ZFYVE26: variants seen among roughly 807,000 people sequenced by gnomAD.
ZFYVE26 encodes zinc finger FYVE domain-containing protein 26.
ZFYVE26 carries 181 observed loss-of-function variants against 276.5 expected under a neutral mutation model. That is an observed-to-expected ratio of 0.65 (90% CI 0.58 to 0.74). The LOEUF (loss-of-function observed/expected upper bound fraction) is 0.74, where lower values mean the gene tolerates loss of function less well. ZFYVE26 is among the 30% of genes least tolerant of loss of function. The pLI is 0.00. For missense variants in ZFYVE26, 2,821 were observed against 3,097.9 expected, an observed-to-expected ratio of 0.91 and a Z score of 2.12; for synonymous variants, 1,129 against 1,203.1, an observed-to-expected ratio of 0.94 and a Z score of 1.27.
chr14:67,730,151 C>A (rs760238662), intron 13 of ZFYVE26, among the ~76,000 whole-genome samples: 1 of 152,126 alleles, frequency 6.6e-6, no homozygotes, highest in Non-Finnish European at 1.5e-5. Context: ...CACAACCCTG[C>A]GAGGCAGGTA....
At chr14:67,761,073 A>G (rs559122448) in intron 35 of ZFYVE26, 66 of 613,904 alleles carry the variant, frequency 1.1e-4, no homozygotes, top group African/African-American at 9.3e-4. Context: ...TGAGCATCTC[A>G]TTCCAGAGAC....
chr14:67,733,639 A>ATT, intron 13 of ZFYVE26: 3 of 744,664 alleles, frequency 4.0e-6, no homozygotes, highest in Non-Finnish European at 7.1e-6. Flanking sequence ...TGAGTCTGGC[A>ATT]TATATTGTAT....
In ZFYVE26 at chr14:67,767,776, A is replaced by G. The variant is rs763496662; in HGVS notation, c.5718T>C (p.Asp1906=). The G allele has an allele frequency of 6.8e-6, 11 of 1,613,912 alleles. No homozygotes were observed. The highest frequency in any genetic ancestry group is 9.3e-6 in the Non-Finnish European group (11 of 1,180,022). The change falls in exon 31 of 42, where the codon GAT becomes GAC. Residue 1906 remains aspartate (D), a synonymous_variant. Coordinates refer to ENST00000347230, the MANE Select transcript of ZFYVE26 (RefSeq NM_015346.4). ...YSFVVRVPKA[D]EVEWILDLKE... ...TGAGATCCAAAATCCATTCCACCTC[A>G]TCTGCTTTGGGGACTCTCACCACAA... is the stretch of plus-strand genomic sequence containing the variant.
chr14:67,759,074 C>CT (rs2038862455), intron 35 of ZFYVE26, among the ~76,000 whole-genome samples: 1 of 149,764 alleles, frequency 6.7e-6, no homozygotes, highest in Non-Finnish European at 1.5e-5. Context: ...CCCGTCTCTA[C>CT]TAAAAAAAAA....
At chr14:67,800,924 TATAAATAAATAAATAA>T (rs148005245) in intron 10 of ZFYVE26, among the ~76,000 whole-genome samples, 1 of 148,620 alleles carries the variant, frequency 6.7e-6, no homozygotes, top group Non-Finnish European at 1.5e-5. Context: ...AAAGTTACCG[TATAAATAAATAAATAA>T]ATAAATAAAT....
chr14:67,771,585 C>G (rs2039209957), intron 28 of ZFYVE26, among the ~76,000 whole-genome samples: 1 of 152,160 alleles, frequency 6.6e-6, no homozygotes, highest in Non-Finnish European at 1.5e-5. Flanking sequence ...GCTCCATGAG[C>G]CTAAGAATAT....
At chr14:67,744,356 A>G (rs2038454962), downstream of ZFYVE26, among the ~76,000 whole-genome samples, 1 of 152,126 alleles carries the variant, frequency 6.6e-6, no homozygotes, top group Non-Finnish European at 1.5e-5. Flanking sequence ...GTCTACTTTA[A>G]TCATTACTGT....
At position 67,805,290 on chromosome 14, in the gene ZFYVE26, C is replaced by T; in HGVS notation, c.1198G>A (p.Glu400Lys). Residue 400 changes from glutamate (E) to lysine (K), a missense_variant, in exon 8 of 42, where the codon GAG becomes AAG. By Grantham distance (56) the Glu-to-Lys change is moderately conservative. Transcript: ENST00000347230. ...LHRTQGPGCDELLRDACDGLW... is the reference protein window; with the variant it reads ...LHRTQGPGCDKLLRDACDGLW... ...CCATCACAGGCATCCCTGAGGAGCT[C>T]ATCACAGCCTGGGCCCTATGTTGAT... 6.2e-7 allele frequency: 1 copy of T among 1,614,114 alleles called. No individual in the cohort carries two copies. Among genetic ancestry groups the T allele is most frequent in the Non-Finnish European group, 8.5e-7 (1 of 1,179,994 alleles).
At position 67,762,377 on chromosome 14, in the gene ZFYVE26, C is replaced by T. The variant is rs148139928; in HGVS notation, c.6195G>A (p.Ala2065=). The change falls in exon 34 of 42, where the codon GCG becomes GCA. Residue 2065 remains alanine (A), a synonymous_variant. Coordinates refer to ENST00000347230, the MANE Select transcript of ZFYVE26 (RefSeq NM_015346.4). ...STKTGLDTTG[A]WHAWGMACLK... is the part of the protein sequence containing the mutation. ...GGCAGGCCATGCCCCAAGCATGCCA[C>T]GCCCCGGTGGTATCAAGCCCAGTCT... 37 of 1,614,130 alleles carry T rather than the reference C, an allele frequency of 2.3e-5. No homozygotes were observed. The highest frequency in any genetic ancestry group is 1.6e-4 in the Middle Eastern group (1 of 6,062).
chr14:67,748,268 A>G lies in ZFYVE26; in HGVS notation c.*168T>C. On this transcript the variant is annotated 3_prime_UTR_variant, in exon 42 of 42. Transcript: ENST00000347230. ...TTAGAGAAACATGGCACTTGCGTGA[A>G]AGGTCCTATCCTTGCCCGGGAAGGC... The G allele has an allele frequency of 1.4e-6, 1 of 697,188 alleles. No homozygotes were observed. The highest frequency in any genetic ancestry group is 2.4e-6 in the Non-Finnish European group (1 of 424,874). 43.2% of individuals were successfully genotyped at this position (697,188 alleles called of 1,614,324 possible).
intron 29 of ZFYVE26, 133 bp downstream of exon 29, chr14:67,769,461 A>T: frequency 2.2e-6 from 3 of 1,345,360 alleles, no homozygotes; most frequent in South Asian, 1.2e-5. Context: ...GTGTAGAGTT[A>T]ATGGCATTTC....
chr14:67,757,994 A>C (rs6573797), intron 35 of ZFYVE26, among the ~76,000 whole-genome samples: 152,292 of 152,354 alleles, frequency 1, 76,115 homozygotes, highest in Middle Eastern at 1. Flanking sequence ...GGATTACAGA[A>C]ACGAGCCACC....
intron 8 of ZFYVE26, 21 bp from the exon 9 acceptor site, chr14:67,804,285 G>C (rs1358700594): frequency 1.9e-6 from 3 of 1,613,898 alleles, no homozygotes; most frequent in Non-Finnish European, 2.5e-6. Context: ...AAGTTGGGAG[G>C]ATGGAAGAGA....
Position 67,778,160 on chromosome 14 carries a change from A to AGGTGGAGAAGATGCTTTT in ZFYVE26, c.4745_4762dup (p.Gln1582_His1587dup), listed in dbSNP as rs749969647. On this transcript the variant is annotated inframe_insertion, in exon 24 of 42. Transcript: ENST00000347230. The stretch of plus-strand genomic sequence containing the variant: ...CTTGTCATGATCTCTTCTTTCTAGA[A>AGGTGGAGAAGATGCTTTT]GGTGGAGAAGATGCTTTTGATGAAG... The AGGTGGAGAAGATGCTTTT allele has an allele frequency of 6.2e-7, 1 of 1,614,224 alleles. No homozygotes were observed. Among genetic ancestry groups the AGGTGGAGAAGATGCTTTT allele is most frequent in the South Asian group, 1.1e-5 (1 of 91,088 alleles).
In ZFYVE26 at chr14:67,761,999, T is replaced by A. The variant is rs570981527; in HGVS notation, c.6369+204A>T. 1.8e-4 allele frequency: 110 copies of A among 608,056 alleles called. No individual in the cohort carries two copies. The Middle Eastern group carries it at 2.2e-3, about 12-fold the overall frequency. 37.7% of individuals were successfully genotyped at this position (608,056 alleles called of 1,614,324 possible). On this transcript the variant is annotated intron_variant, in intron 34 of 41. Coordinates refer to ENST00000347230, the MANE Select transcript of ZFYVE26 (RefSeq NM_015346.4). Reference sequence around the variant, plus strand: ...CTTTTTAAAAATTGTCTCCTTTTTTTAAAAAAAATTACATCTATTACTTAT... The same window carrying A: ...CTTTTTAAAAATTGTCTCCTTTTTTAAAAAAAAATTACATCTATTACTTAT...
At chr14:67,754,235 G>A in intron 37 of ZFYVE26, 23 bp from the exon 38 acceptor site, 3 of 1,614,074 alleles carry the variant, frequency 1.9e-6, no homozygotes, top group Non-Finnish European at 1.7e-6. Context: ...AATATGCACA[G>A]TCCAGCCTCA....
At chr14:67,754,613 G>A (rs2038730357) in intron 37 of ZFYVE26, among the ~76,000 whole-genome samples, 1 of 152,210 alleles carries the variant, frequency 6.6e-6, no homozygotes. Context: ...AAATGGTAGT[G>A]GTAGAGCATT....
rs906651063 is a variant in ZFYVE26 at position 67,729,455 on chromosome 14, T to G, written n.3044A>C. On this transcript the variant is annotated non_coding_transcript_exon_variant, in exon 14 of 15. Transcript: ENST00000394455. ...GCCGGACTCGCTGGGCTGTTCATCC[T>G]GAGAAGCTGAGTTTGTGCCTGATGA... is the stretch of plus-strand genomic sequence containing the variant. The G allele has an allele frequency of 2.8e-6, 4 of 1,431,152 alleles. No homozygotes were observed. In the African/African-American group the frequency reaches 4.2e-5, roughly 15 times the overall value. The allele number at this position is 1,431,152 out of a possible 1,614,324, so 88.7% of individuals were successfully genotyped here. A position where few individuals can be genotyped will look rare whatever the true frequency, so the allele number is the denominator to read the frequency against.
intron 21 of ZFYVE26, among the ~76,000 whole-genome samples, chr14:67,782,058 C>T (rs565124795): frequency 6.6e-6 from 1 of 152,338 alleles, no homozygotes; most frequent in African/African-American, 2.4e-5. Context: ...TAAGAACACA[C>T]AGCCAGTCAG....
Sources: allele counts gnomAD v4.1 joint callset (sites outside exome capture counted in the v4.1 genomes callset), GRCh38; gene constraint gnomAD v4.1.1; transcripts MANE v1.5; gene names NCBI Gene and HGNC (gene_info 2026-07-23, HGNC 2026-07-21).